The following NXPE3 variants were observed in gnomAD, a reference collection of about 807,000 sequenced individuals.
NXPE3 encodes the protein neurexophilin and PC-esterase domain family member 3.
Under a neutral mutation model 46.1 loss-of-function variants are expected in NXPE3, and 26 were observed. That is an observed-to-expected ratio of 0.56 (90% confidence interval 0.41 to 0.78). NXPE3 has a LOEUF of 0.78. Among genes scored for constraint, NXPE3 ranks in the 30% least tolerant of loss-of-function variants. NXPE3 has a pLI of 0.00. For missense variants in NXPE3, 620 were observed against 686.0 expected (o/e 0.90, Z 1.07); for synonymous variants, 272 against 257.9 (o/e 1.05, Z -0.52).
At position 101,782,693 on chromosome 3, in the gene NXPE3, G is replaced by C. The variant is rs1448960091; in HGVS notation, c.-283G>C. The C allele has an allele frequency of 6.6e-6, 1 of 151,820 alleles. No individual in the cohort carries two copies. Among genetic ancestry groups the C allele is most frequent in the African/African-American group, 2.4e-5 (1 of 41,300 alleles). 9.4% of individuals were successfully genotyped at this position (151,820 alleles called of 1,614,324 possible). A position where few individuals can be genotyped will look rare whatever the true frequency, so the allele number is the denominator to read the frequency against. On this transcript the variant is annotated 5_prime_UTR_variant, in exon 3 of 8. Coordinates refer to ENST00000273347, the MANE Select transcript of NXPE3 (RefSeq NM_145037.4). ...TCTGTTGCCCAGGCTGGAGTACATT[G>C]GTGTGATGATCATGGTTCACTGCAG...
chr3:101,801,243 C>G lies in NXPE3; in HGVS notation c.102C>G (p.Asp34Glu). ...VINVTQVEYL[D>E]HETVSATFID... ...TGTGTCTTCTTCTTCAGTACTTGGA[C>G]CATGAGACTGTTTCAGCCACTTTCA... Residue 34 changes from aspartate (D) to glutamate (E), a missense_variant, in exon 5 of 8, where the codon GAC becomes GAG. By Grantham distance (45) the Asp-to-Glu change is conservative (BLOSUM62 2). Around this residue, in one of 3 missense-constraint regions of NXPE3, gnomAD observed 511 missense variants for 528.6 expected, o/e 0.97. Transcript: ENST00000273347. The G allele has an allele frequency of 1.9e-6, 3 of 1,609,742 alleles. No individual in the cohort carries two copies. Among genetic ancestry groups the G allele is most frequent in the Non-Finnish European group, 1.7e-6 (2 of 1,177,636 alleles).
chr3:101,785,456 T>C lies in NXPE3; in HGVS notation c.-141T>C, dbSNP rs1940100982. The C allele has an allele frequency of 7.2e-6, 5 of 692,920 alleles. 1 individual carries two copies. In the South Asian group the frequency reaches 8.4e-5, roughly 12 times the overall value. The allele number at this position is 692,920 out of a possible 1,614,324, so 42.9% of individuals were successfully genotyped here. On this transcript the variant is annotated 5_prime_UTR_variant, in exon 4 of 8. Coordinates refer to ENST00000273347, the MANE Select transcript of NXPE3 (RefSeq NM_145037.4). ...AATCAACTGCAGTCTCTCCTCTGCA[T>C]AAGAGCTCTTAAGGGTACTAGCAGG...
intron 7 of NXPE3, among the ~76,000 whole-genome samples, chr3:101,818,733 ATATATATATATATATATATATTTTT>A (rs1437488250): frequency 2.0e-3 from 51 of 25,052 alleles, no homozygotes; most frequent in African/African-American, 7.3e-3. Flanking sequence ...ATATATATAT[ATATATATATATATATATATATTTTT>A]TTTTTTTTTT....
intron 4 of NXPE3, among the ~76,000 whole-genome samples, chr3:101,791,974 A>G (rs1044969680): frequency 6.6e-6 from 1 of 152,092 alleles, no homozygotes; most frequent in Admixed American, 6.5e-5. Flanking sequence ...CTTTTTAATA[A>G]TAGCTATTCT....
In NXPE3 at chr3:101,818,715, TTATATATATATATA is replaced by T. The variant is rs61602305; in HGVS notation, c.1129+1740_1129+1753del. Among the ~76,000 whole-genome samples, 165 of 38,032 alleles carry T rather than the reference TTATATATATATATA, an allele frequency of 4.3e-3. 4 individuals are homozygous for T. The highest frequency in any genetic ancestry group is 0.016 in the African/African-American group (147 of 9,270). 25.0% of individuals were successfully genotyped at this position (38,032 alleles called of 152,430 possible). A position where few individuals can be genotyped will look rare whatever the true frequency, so the allele number is the denominator to read the frequency against. ...TTAACCCTTAAGAATATATGACAAT[TTATATATATATATA>T]TATATATATATATATATATATATAT... is the stretch of plus-strand genomic sequence containing the variant. On this transcript the variant is annotated intron_variant, in intron 7 of 7. Coordinates refer to ENST00000273347, the MANE Select transcript of NXPE3 (RefSeq NM_145037.4).
rs1328782166 is a variant in NXPE3, at chr3:101,822,089, T to C, written c.*135T>C. 1 of 738,652 alleles carries C rather than the reference T, an allele frequency of 1.4e-6. No individual in the cohort carries two copies. The highest frequency in any genetic ancestry group is 2.2e-6 in the Non-Finnish European group (1 of 456,332). 45.8% of individuals were successfully genotyped at this position (738,652 alleles called of 1,614,324 possible). A position where few individuals can be genotyped will look rare whatever the true frequency, so the allele number is the denominator to read the frequency against. The stretch of plus-strand genomic sequence containing the variant: ...TCAAAAAGATCTGGACTTAATATGA[T>C]GACTTATAAGGAGCTTAGAAAATGC... On this transcript the variant is annotated 3_prime_UTR_variant, in exon 8 of 8. Coordinates refer to ENST00000273347, the MANE Select transcript of NXPE3 (RefSeq NM_145037.4).
chr3:101,795,406 T>C, intron 4 of NXPE3, among the ~76,000 whole-genome samples: 1 of 151,748 alleles, frequency 6.6e-6, no homozygotes, highest in Non-Finnish European at 1.5e-5. Flanking sequence ...TAATCCTAGC[T>C]ACTCGGGAGG....
intron 4 of NXPE3, among the ~76,000 whole-genome samples, chr3:101,796,257 A>G (rs1329657059): frequency 6.6e-6 from 1 of 152,224 alleles, no homozygotes; most frequent in Non-Finnish European, 1.5e-5. Flanking sequence ...GGCAATCACC[A>G]TGTTCACTCC....
intron 4 of NXPE3, among the ~76,000 whole-genome samples, chr3:101,786,858 G>A (rs1435522938): frequency 6.6e-6 from 1 of 152,026 alleles, no homozygotes; most frequent in East Asian, 1.9e-4. Flanking sequence ...TCACATTGTT[G>A]TGCAATCACC....
Position 101,822,417 on chromosome 3 carries a change from G to A in NXPE3, c.*463G>A, listed in dbSNP as rs568441053. The stretch of plus-strand genomic sequence containing the variant: ...GGCGGTTAACTAGAGAAAGCTTATA[G>A]TCAGAGGCTCTTGTGAATGCACTGA... On this transcript the variant is annotated 3_prime_UTR_variant, in exon 8 of 8. Coordinates refer to ENST00000273347, the MANE Select transcript of NXPE3 (RefSeq NM_145037.4). 1.4e-3 allele frequency: 219 copies of A among 156,950 alleles called. No homozygotes were observed. The highest frequency in any genetic ancestry group is 2.7e-3 in the Admixed American group (44 of 16,390). 9.7% of individuals were successfully genotyped at this position (156,950 alleles called of 1,614,324 possible). A position where few individuals can be genotyped will look rare whatever the true frequency, so the allele number is the denominator to read the frequency against.
rs1298433995 is a variant in NXPE3, at chr3:101,796,708, C to T, written c.94-4527C>T. ...AAATGAACAAATACTGCCATATACTCCTTTAAAATGAAGCCTCCTAAATGA... is the reference window on the plus strand; with the variant it reads ...AAATGAACAAATACTGCCATATACTTCTTTAAAATGAAGCCTCCTAAATGA... On this transcript the variant is annotated intron_variant, in intron 4 of 7. Coordinates refer to ENST00000273347, the MANE Select transcript of NXPE3 (RefSeq NM_145037.4). Among the ~76,000 whole-genome samples the T allele has an allele frequency of 2.0e-5, 3 of 152,220 alleles. No individual in the cohort carries two copies. In the South Asian group the frequency reaches 6.2e-4, roughly 32 times the overall value.
intron 7 of NXPE3, among the ~76,000 whole-genome samples, chr3:101,818,466 G>A (rs2925316): frequency 0.98 from 149,304 of 151,814 alleles, 73,460 homozygotes; most frequent in East Asian, 1. Context: ...TTCCTTTGAT[G>A]ACAAGGATCA....
rs149452985 is a variant in NXPE3, at chr3:101,821,491, G to T, written c.1217G>T (p.Arg406Leu). The change falls in exon 8 of 8, where the codon CGC becomes CTC. Residue 406 changes from arginine (R) to leucine (L), a missense_variant. Transcript: ENST00000273347. ...AAGCACAACATCCTGCTCAAATACC[G>T]CTGCCATGGTCCACCCATCCGCTTC... ...DQKHNILLKY[R>L]CHGPPIRFTT... The T allele has an allele frequency of 9.3e-6, 15 of 1,614,012 alleles. No individual in the cohort carries two copies. In the African/African-American group the frequency reaches 1.6e-4, roughly 17 times the overall value.
At position 101,821,305 on chromosome 3, in the gene NXPE3, T is replaced by TA. The variant is rs35027466; in HGVS notation, c.1130-90dup. 181 of 913,520 alleles carry TA rather than the reference T, an allele frequency of 2.0e-4. 1 individual carries two copies. Among genetic ancestry groups the TA allele is most frequent in the Non-Finnish European group, 2.6e-4 (158 of 599,422 alleles). The allele number at this position is 913,520 out of a possible 1,614,324, so 56.6% of individuals were successfully genotyped here. On this transcript the variant is annotated intron_variant, in intron 7 of 7. Transcript: ENST00000273347. ...TTATATTGTACCTTTTTGTTGTACTTAAAAAAAAATTGTTATTTGAAGCCA... is the reference window on the plus strand; with the variant it reads ...TTATATTGTACCTTTTTGTTGTACTTAAAAAAAAAATTGTTATTTGAAGCCA...
intron 5 of NXPE3, 122 bp downstream of exon 5, chr3:101,802,111 C>A: frequency 1.2e-6 from 1 of 854,894 alleles, no homozygotes; most frequent in Non-Finnish European, 1.8e-6. Context: ...TGGCCCAATA[C>A]AGAAGAGGTA....
intron 3 of NXPE3, among the ~76,000 whole-genome samples, chr3:101,783,155 A>G (rs1255422338): frequency 2.6e-5 from 4 of 151,942 alleles, no homozygotes; most frequent in Admixed American, 6.6e-5. Context: ...TCCGCCTCCC[A>G]GGTTCACGCT....
At chr3:101,787,127 T>G (rs1310702083) in intron 4 of NXPE3, among the ~76,000 whole-genome samples, 1 of 150,730 alleles carries the variant, frequency 6.6e-6, no homozygotes, top group Non-Finnish European at 1.5e-5. Flanking sequence ...CATTCCAGCT[T>G]GGGCTACAGA....
Position 101,825,441 on chromosome 3 carries a change from A to G in NXPE3, c.*3487A>G, listed in dbSNP as rs1401027168. On this transcript the variant is annotated 3_prime_UTR_variant, in exon 8 of 8. Transcript: ENST00000273347. ...GCCAAATAATAGTTTGTTTAAATGT[A>G]TATTTCCCAATATAAATATAAGGGG... The G allele has an allele frequency of 1.3e-5, 2 of 152,254 alleles. No homozygotes were observed. The highest frequency in any genetic ancestry group is 1.9e-4 in the East Asian group (1 of 5,208). The allele number at this position is 152,254 out of a possible 1,614,324, so 9.4% of individuals were successfully genotyped here.
Position 101,785,392 on chromosome 3 carries a change from CTCTTTGAAGGATT to C in NXPE3, c.-195_-183del. 2 of 541,240 alleles carry C rather than the reference CTCTTTGAAGGATT, an allele frequency of 3.7e-6. No individual in the cohort carries two copies. Among genetic ancestry groups the C allele is most frequent in the Middle Eastern group, 3.0e-4 (1 of 3,294 alleles). 33.5% of individuals were successfully genotyped at this position (541,240 alleles called of 1,614,324 possible). A position where few individuals can be genotyped will look rare whatever the true frequency, so the allele number is the denominator to read the frequency against. ...AATTGGTGATGTTCTCTCATCTCTCCTCTTTGAAGGATTTCTTTGAAGAAAAATGTGCTTCTTG... is the reference window on the plus strand; with the variant it reads ...AATTGGTGATGTTCTCTCATCTCTCCTCTTTGAAGAAAAATGTGCTTCTTG... On this transcript the variant is annotated splice_acceptor_variant and splice_polypyrimidine_tract_variant and 5_prime_UTR_variant and intron_variant, in exon 4 of 8. Transcript: ENST00000273347. LOFTEE classifies it low-confidence loss of function (5UTR_SPLICE).
Sources: allele counts gnomAD v4.1 joint callset (sites outside exome capture counted in the v4.1 genomes callset), GRCh38; gene constraint gnomAD v4.1.1; regional missense constraint gnomAD v4.1.1; transcripts MANE v1.5; gene names NCBI Gene and HGNC (gene_info 2026-07-23, HGNC 2026-07-21).